The following GBP2 variants were observed in gnomAD, a reference collection of about 807,000 sequenced individuals.
GBP2 encodes the protein guanylate binding protein 2, also known as guanylate-binding protein 2.
GBP2 carries 54 observed loss-of-function variants against 60.8 expected under a neutral mutation model. The ratio of observed to expected loss-of-function variants is 0.89; its 90% confidence interval spans 0.71 to 1.11. The LOEUF (loss-of-function observed/expected upper bound fraction) is 1.11. Among genes scored for constraint, GBP2 ranks in the 50% most tolerant of loss-of-function variants. The probability of loss-of-function intolerance (pLI) is 0.00; values close to 1 mark genes in which losing one functional copy is unlikely to be tolerated. For missense variants in GBP2, 665 were observed against 703.3 expected, an observed-to-expected ratio of 0.95 and a Z score of 0.62; for synonymous variants, 243 against 256.5, an observed-to-expected ratio of 0.95 and a Z score of 0.50.
At chr1:89,123,685 T>C (rs1468376500) in intron 1 of GBP2, among the ~76,000 whole-genome samples, 1 of 152,212 alleles carries the variant, frequency 6.6e-6, no homozygotes, top group Non-Finnish European at 1.5e-5. Context: ...TCCATTCTCT[T>C]TGGTGTAGTT....
intron 1 of GBP2, among the ~76,000 whole-genome samples, chr1:89,123,093 G>T (rs1420553715): frequency 6.6e-6 from 1 of 152,074 alleles, no homozygotes; most frequent in Non-Finnish European, 1.5e-5. Context: ...CTGTAGCCCA[G>T]GTACTATGGA....
At chr1:89,112,783 C>T in intron 7 of GBP2, 99 bp from the exon 8 acceptor site, 2 of 917,410 alleles carry the variant, frequency 2.2e-6, no homozygotes, top group Admixed American at 2.0e-5. Flanking sequence ...GAAATTGTGG[C>T]CCTCTAAATA....
intron 4 of GBP2, chr1:89,118,652 G>A (rs1165241843): frequency 2.6e-5 from 4 of 152,164 alleles, no homozygotes; most frequent in Non-Finnish European, 5.9e-5. Context: ...CAATTAGGTA[G>A]TTGAAAAGAT....
At chr1:89,116,933 C>G (rs1177844965) in intron 6 of GBP2, 59 bp downstream of exon 6, 5 of 1,579,372 alleles carry the variant, frequency 3.2e-6, no homozygotes, top group Admixed American at 3.4e-5. Flanking sequence ...CCATTTTATC[C>G]TCTACAATGG....
chr1:89,123,817 G>C (rs1047566217), intron 1 of GBP2, among the ~76,000 whole-genome samples: 3 of 152,200 alleles, frequency 2.0e-5, no homozygotes, highest in Non-Finnish European at 4.4e-5. Flanking sequence ...GCTGTAGTCA[G>C]AGAAGTGTCA....
intron 4 of GBP2, chr1:89,118,420 C>A (rs376618490): frequency 2.0e-4 from 31 of 152,132 alleles, no homozygotes; most frequent in African/African-American, 7.2e-4. Context: ...TGTGGTAGGG[C>A]AGAAGCCTTA....
chr1:89,117,780 T>C lies in GBP2; in HGVS notation c.429-7A>G, dbSNP rs761112927. On this transcript the variant is annotated splice_polypyrimidine_tract_variant and splice_region_variant and intron_variant, in intron 4 of 10. Coordinates refer to ENST00000370466, the MANE Select transcript of GBP2 (RefSeq NM_004120.5). Reference sequence around the variant, plus strand: ...TGTCAGCTCTGTCACATAGCTGAGATGCTAAATTAAGAAAACTACAGAAAA... The same window carrying C: ...TGTCAGCTCTGTCACATAGCTGAGACGCTAAATTAAGAAAACTACAGAAAA... The C allele has an allele frequency of 3.2e-6, 5 of 1,586,020 alleles. No homozygotes were observed. In the South Asian group the frequency reaches 5.7e-5, roughly 18 times the overall value.
rs372659336 is a variant in GBP2 at position 89,121,881 on chromosome 1, T to G, written c.86A>C (p.Lys29Thr). The change falls in exon 2 of 11, where the codon AAG (lysine) becomes ACG (threonine). Residue 29 changes from lysine (K) to threonine (T), a missense_variant. Physicochemically the swap from Lys to Thr is moderately conservative, Grantham distance 78 (BLOSUM62 -1). Coordinates refer to ENST00000370466, the MANE Select transcript of GBP2 (RefSeq NM_004120.5). ...GQLVVNPEAL[K>T]ILSAITQPVV... ...AGGCTGCGTAATTGCAGATAGGATC[T>G]TCAGAGCTTCTGGATTCACCACCAG... 5 of 1,614,014 alleles carry G rather than the reference T, an allele frequency of 3.1e-6. No homozygotes were observed. The African/African-American group carries it at 6.7e-5, about 22-fold the overall frequency.
Position 89,121,874 on chromosome 1 carries a change from T to C in GBP2, c.93A>G (p.Leu31=), listed in dbSNP as rs147420517. 84 of 1,613,974 alleles carry C rather than the reference T, an allele frequency of 5.2e-5. No homozygotes were observed. The highest frequency in any genetic ancestry group is 6.4e-5 in the Non-Finnish European group (75 of 1,179,982). The change falls in exon 2 of 11, where the codon CTA becomes CTG. Residue 31 remains leucine, a synonymous_variant. Transcript: ENST00000370466. ...CCACCACAGGCTGCGTAATTGCAGA[T>C]AGGATCTTCAGAGCTTCTGGATTCA... ...LVVNPEALKI[L]SAITQPVVVV...
intron 9 of GBP2, 48 bp from the exon 10 acceptor site, chr1:89,109,918 G>A: frequency 6.6e-7 from 1 of 1,512,222 alleles, no homozygotes; most frequent in East Asian, 2.3e-5. Flanking sequence ...TCAATTGTAG[G>A]TGTTCCCTTT....
rs141308557 is a variant in GBP2 at position 89,117,143 on chromosome 1, G to T, written c.717C>A (p.Pro239=). Residue 239 remains proline (P), a synonymous_variant, in exon 6 of 11, where the codon CCC becomes CCA. Transcript: ENST00000370466. ...PKRKCFVFDW[P]APKKYLAHLE... The stretch of plus-strand genomic sequence containing the variant: ...GGTGAGCAAGGTACTTCTTAGGAGC[G>T]GGCCAATCGAAGACGAAGCACTTCC... 6 of 1,614,106 alleles carry T rather than the reference G, an allele frequency of 3.7e-6. No individual in the cohort carries two copies. The African/African-American group carries it at 4.0e-5, about 11-fold the overall frequency.
intron 4 of GBP2, 124 bp downstream of exon 4, chr1:89,120,055 G>A: frequency 4.5e-6 from 3 of 665,192 alleles, no homozygotes; most frequent in Non-Finnish European, 5.3e-6. Flanking sequence ...TCAGCATAAT[G>A]AGATTTATTA....
At chr1:89,108,318 T>G (rs762128267) in intron 10 of GBP2, 27 bp from the exon 11 acceptor site, 8 of 1,407,452 alleles carry the variant, frequency 5.7e-6, no homozygotes, top group Non-Finnish European at 8.0e-6. Context: ...AGACTAAGCC[T>G]ATCCAGCTTA....
At chr1:89,121,718 C>T (rs1681399504) in intron 2 of GBP2, 59 bp downstream of exon 2, 3 of 1,538,694 alleles carry the variant, frequency 1.9e-6, no homozygotes, top group African/African-American at 2.7e-5. Flanking sequence ...CATCCCTAAG[C>T]TGGATGTTCG....
chr1:89,114,269 A>G lies in GBP2; in HGVS notation c.896T>C (p.Val299Ala), dbSNP rs185149204. Reference protein sequence around the residue: ...PRLESLVLTYVNAISSGDLPC... With the variant: ...PRLESLVLTYANAISSGDLPC... ...TAGATCCCCACTGCTGATGGCATTG[A>G]CGTAGGTCAGCACCAGGCTCTCTAG... Residue 299 changes from valine (V) to alanine (A), a missense_variant, in exon 7 of 11, where the codon GTC becomes GCC. Physicochemically the swap from Val to Ala is moderately conservative, Grantham distance 64. Transcript: ENST00000370466. The G allele has an allele frequency of 3.3e-5, 53 of 1,614,230 alleles. No individual in the cohort carries two copies. The highest frequency in any genetic ancestry group is 4.1e-5 in the Non-Finnish European group (48 of 1,180,042).
chr1:89,117,230 A>C lies in GBP2; in HGVS notation c.630T>G (p.Thr210=). 1.2e-6 allele frequency: 2 copies of C among 1,612,010 alleles called. No homozygotes were observed. Among genetic ancestry groups the C allele is most frequent in the South Asian group, 2.2e-5 (2 of 91,044 alleles). ...CATTAAAGCTTTTACTTTTCTTATC[A>C]GTACCTACAGGAATGAAAATTAGAA... is the stretch of plus-strand genomic sequence containing the variant. The part of the protein sequence containing the change: ...LELSLKLRKG[T]DKKSKSFNDP... Residue 210 remains threonine (T), a synonymous_variant, in exon 6 of 11, where the codon ACT becomes ACG. Transcript: ENST00000370466.
chr1:89,123,468 TTC>T (rs1384375134), intron 1 of GBP2, among the ~76,000 whole-genome samples: 1 of 152,196 alleles, frequency 6.6e-6, no homozygotes, highest in South Asian at 2.1e-4. Context: ...TTAAAATCTT[TTC>T]TCTGAGTGTG....
In GBP2 at chr1:89,121,927, T is replaced by C. The variant is rs200396413; in HGVS notation, c.40A>G (p.Ile14Val). The C allele has an allele frequency of 2.2e-4, 357 of 1,613,744 alleles. 9 individuals are homozygous for C. The South Asian group carries it at 2.5e-3, about 11-fold the overall frequency. ...EINLPGPMSL[I>V]DNTKGQLVVN... is the part of the protein sequence containing the mutation. ...ACCAGCTGCCCTTTAGTGTTATCAA[T>C]GAGGCTCATTGGGCCCGGCAAGTTG... The change falls in exon 2 of 11, where the codon ATT (isoleucine) becomes GTT (valine). Residue 14 changes from isoleucine (I) to valine (V), a missense_variant. Ile to Val is a conservative substitution (Grantham distance 29). Coordinates refer to ENST00000370466, the MANE Select transcript of GBP2 (RefSeq NM_004120.5).
intron 3 of GBP2, 108 bp downstream of exon 3, chr1:89,121,035 T>C (rs1488322137): frequency 1.6e-6 from 1 of 639,860 alleles, no homozygotes; most frequent in African/African-American, 1.9e-5. Context: ...ACTAGAGCCC[T>C]AAATCAAGGA....
Sources: gnomAD v4.1 joint callset for allele counts (sites outside exome capture counted in the v4.1 genomes callset) on GRCh38, gnomAD v4.1.1 for gene constraint, MANE v1.5 for transcripts, NCBI Gene and HGNC (gene_info 2026-07-23, HGNC 2026-07-21) for gene names.